Variants in LRRC4C observed in about 807,000 individuals in gnomAD.
LRRC4C encodes the protein leucine-rich repeat-containing protein 4C.
Under a neutral mutation model 33.6 loss-of-function variants are expected in LRRC4C, and 5 were observed. The observed-to-expected ratio is 0.15, with a 90% confidence interval of 0.08 to 0.31. LRRC4C has a LOEUF of 0.31. Ranked by LOEUF, LRRC4C falls within the 10% of genes least tolerant of loss-of-function variation. The pLI, the probability that LRRC4C is intolerant of heterozygous loss-of-function variation, is 1.00. For synonymous variants in LRRC4C, 329 were observed against 302.0 expected (o/e 1.09, Z -0.93); for missense variants, 560 against 796.7 (o/e 0.70, Z 3.58).
intron 2 of LRRC4C, among the ~76,000 whole-genome samples, chr11:40,839,472 C>T (rs1952820481): frequency 6.6e-6 from 1 of 152,162 alleles, no homozygotes; most frequent in South Asian, 2.1e-4. Flanking sequence ...TCTCGAACTG[C>T]TGACCTCAGG....
chr11:40,358,672 G>A (rs1196335571), intron 3 of LRRC4C, among the ~76,000 whole-genome samples: 3 of 152,090 alleles, frequency 2.0e-5, no homozygotes, highest in African/African-American at 7.2e-5. Context: ...GTCTCTTTGT[G>A]TGCTTTTCAT....
At chr11:41,124,424 A>G (rs927143630) in intron 1 of LRRC4C, among the ~76,000 whole-genome samples, 1 of 152,216 alleles carries the variant, frequency 6.6e-6, no homozygotes, top group Non-Finnish European at 1.5e-5. Flanking sequence ...TGAATGTTCC[A>G]TTCAGCAGTG....
intron 1 of LRRC4C, among the ~76,000 whole-genome samples, chr11:41,234,839 C>T (rs1277190767): frequency 6.6e-6 from 1 of 151,948 alleles, no homozygotes; most frequent in Non-Finnish European, 1.5e-5. Flanking sequence ...GTTAAGTGTT[C>T]ATAACTTGTA....
intron 5 of LRRC4C, among the ~76,000 whole-genome samples, chr11:40,154,526 G>A (rs1016531187): frequency 1.3e-5 from 2 of 151,976 alleles, no homozygotes; most frequent in African/African-American, 4.8e-5. Flanking sequence ...AAAAGCAAAT[G>A]AACACCAAAA....
At chr11:41,339,429 A>G (rs952082229) in intron 1 of LRRC4C, among the ~76,000 whole-genome samples, 3 of 152,178 alleles carry the variant, frequency 2.0e-5, no homozygotes, top group Non-Finnish European at 4.4e-5. Flanking sequence ...AGCTTTGTCT[A>G]TGACTAAACC....
chr11:41,408,019 G>T (rs1019000887), intron 1 of LRRC4C, among the ~76,000 whole-genome samples: 1 of 152,170 alleles, frequency 6.6e-6, no homozygotes, highest in Admixed American at 6.5e-5. Context: ...ACCCTTAGGA[G>T]CCAGGCTGTA....
intron 2 of LRRC4C, among the ~76,000 whole-genome samples, chr11:40,904,494 C>T (rs1183646346): frequency 6.6e-6 from 1 of 152,076 alleles, no homozygotes; most frequent in Non-Finnish European, 1.5e-5. Flanking sequence ...AAGAGCTTTG[C>T]CCATGATCTC....
intron 3 of LRRC4C, among the ~76,000 whole-genome samples, chr11:40,338,830 A>G (rs1026874109): frequency 5.3e-5 from 8 of 152,166 alleles, no homozygotes; most frequent in Non-Finnish European, 1.2e-4. Flanking sequence ...AAAAGGCTTC[A>G]TTCTGTTTCT....
chr11:40,784,487 A>AT (rs1280725713), intron 2 of LRRC4C, among the ~76,000 whole-genome samples: 2 of 152,120 alleles, frequency 1.3e-5, no homozygotes, highest in Non-Finnish European at 2.9e-5. Context: ...ATTAGATCTC[A>AT]TTTTTTCTGC....
intron 1 of LRRC4C, among the ~76,000 whole-genome samples, chr11:41,226,777 C>CACA (rs1565496331): frequency 2.0e-5 from 3 of 150,716 alleles, no homozygotes; most frequent in Non-Finnish European, 4.4e-5. Flanking sequence ...CACACACACA[C>CACA]CCTTCTCTCT....
intron 3 of LRRC4C, among the ~76,000 whole-genome samples, chr11:40,534,556 AAAATGT>A (rs1173498346): frequency 6.6e-5 from 10 of 152,126 alleles, no homozygotes; most frequent in African/African-American, 2.4e-4. Context: ...ATTATGGGGT[AAAATGT>A]AAATAACACA....
intron 6 of LRRC4C, among the ~76,000 whole-genome samples, chr11:40,136,279 T>G (rs561992139): frequency 1.3e-5 from 2 of 151,982 alleles, no homozygotes; most frequent in Non-Finnish European, 2.9e-5. Context: ...TTTCTTTTTC[T>G]TTTTGATATG....
chr11:40,974,457 G>A (rs368849572), intron 1 of LRRC4C, among the ~76,000 whole-genome samples: 2 of 152,122 alleles, frequency 1.3e-5, no homozygotes, highest in African/African-American at 4.8e-5. Context: ...ATGCTACAAC[G>A]TCTGTTCAAA....
At chr11:40,784,050 T>C (rs1950316930) in intron 2 of LRRC4C, among the ~76,000 whole-genome samples, 1 of 150,266 alleles carries the variant, frequency 6.7e-6, no homozygotes, top group South Asian at 2.1e-4. Flanking sequence ...ATAAGAATCA[T>C]TTATCAAGTT....
intron 6 of LRRC4C, among the ~76,000 whole-genome samples, chr11:40,122,440 T>G (rs1220231572): frequency 6.6e-6 from 1 of 152,034 alleles, no homozygotes; most frequent in African/African-American, 2.4e-5. Context: ...CCAGTGTGTG[T>G]TGTTCTCCTC....
At chr11:41,071,667 G>T (rs1198101218) in intron 1 of LRRC4C, among the ~76,000 whole-genome samples, 1 of 152,140 alleles carries the variant, frequency 6.6e-6, no homozygotes, top group Admixed American at 6.5e-5. Flanking sequence ...TCATTCTTCA[G>T]CCCATGGGCC....
chr11:40,145,622 T>A (rs966040461), intron 5 of LRRC4C, among the ~76,000 whole-genome samples: 1 of 152,136 alleles, frequency 6.6e-6, no homozygotes, highest in Admixed American at 6.6e-5. Context: ...TGCCTTACCA[T>A]AGCTTAAAAT....
intron 1 of LRRC4C, among the ~76,000 whole-genome samples, chr11:41,037,083 G>C (rs1031187302): frequency 6.6e-6 from 1 of 152,072 alleles, no homozygotes; most frequent in African/African-American, 2.4e-5. Flanking sequence ...CCATTTAAAA[G>C]TTTTTCATAA....
At chr11:40,656,737 A>C (rs764314737) in intron 2 of LRRC4C, among the ~76,000 whole-genome samples, 5 of 152,188 alleles carry the variant, frequency 3.3e-5, no homozygotes, top group Non-Finnish European at 5.9e-5. Flanking sequence ...TTTCCACCTA[A>C]AAGTGTTATA....
Sources: gnomAD v4.1 joint callset for allele counts (sites outside exome capture counted in the v4.1 genomes callset) on GRCh38, gnomAD v4.1.1 for gene constraint, MANE v1.5 for transcripts, NCBI Gene and HGNC (gene_info 2026-07-23, HGNC 2026-07-21) for gene names.